SORCS1: variants seen among roughly 807,000 people sequenced by gnomAD.
SORCS1 encodes VPS10 domain-containing receptor SorCS1.
Under a neutral mutation model 146.1 loss-of-function variants are expected in SORCS1, and 60 were observed. That is an observed-to-expected ratio of 0.41 (90% CI 0.33 to 0.51). The LOEUF (loss-of-function observed/expected upper bound fraction) is 0.51. SORCS1 is among the 20% of genes least tolerant of loss of function. SORCS1 has a pLI of 0.21. For missense variants in SORCS1, 1,352 were observed against 1,487.6 expected (o/e 0.91, Z 1.50); for synonymous variants, 637 against 584.0 (o/e 1.09, Z -1.31).
intron 5 of SORCS1, among the ~76,000 whole-genome samples, chr10:106,744,398 C>T (rs1857572275): frequency 6.6e-6 from 1 of 152,174 alleles, no homozygotes. Flanking sequence ...AGCCACCGTG[C>T]CCGGCCATCA....
rs1852292814 is a variant in SORCS1 at position 106,679,643 on chromosome 10, A to G, written c.1652T>C (p.Ile551Thr). ...GGTAAGCTTCTTACCTGATGCCACTATGATGCTTGGAGCTGTGTCTTTGCT... is the reference window on the plus strand; with the variant it reads ...GGTAAGCTTCTTACCTGATGCCACTGTGATGCTTGGAGCTGTGTCTTTGCT... ...IASKDTAPSI[I>T]VASGNIGSEL... The change falls in exon 11 of 26, where the codon ATA (isoleucine) becomes ACA (threonine). Residue 551 changes from isoleucine (I) to threonine (T), a missense_variant. This residue lies in a region of SORCS1 where 648 missense variants were observed against 793.8 expected (regional missense o/e 0.82). Coordinates refer to ENST00000263054, the MANE Select transcript of SORCS1 (RefSeq NM_052918.5). 1.2e-6 allele frequency: 2 copies of G among 1,611,562 alleles called. No individual in the cohort carries two copies. Among genetic ancestry groups the G allele is most frequent in the Non-Finnish European group, 1.7e-6 (2 of 1,178,726 alleles).
At chr10:106,726,185 C>CTCTTTTTTTTTTTTTTTTT (rs1435746962) in intron 6 of SORCS1, among the ~76,000 whole-genome samples, 1 of 66,300 alleles carries the variant, frequency 1.5e-5, no homozygotes, top group African/African-American at 6.4e-5. Flanking sequence ...CTTTCCCTCT[C>CTCTTTTTTTTTTTTTTTTT]TTTTTTTTTT....
chr10:106,994,019 C>T (rs965361595), intron 1 of SORCS1, among the ~76,000 whole-genome samples: 3 of 141,978 alleles, frequency 2.1e-5, no homozygotes, highest in African/African-American at 8.3e-5. Flanking sequence ...CAAGGTTGTG[C>T]CACTGCAGCA....
intron 1 of SORCS1, among the ~76,000 whole-genome samples, chr10:107,037,270 C>G (rs1958943872): frequency 6.6e-6 from 1 of 151,892 alleles, no homozygotes; most frequent in Admixed American, 6.6e-5. Flanking sequence ...AATTAGGAAC[C>G]AAATATATGA....
intron 6 of SORCS1, among the ~76,000 whole-genome samples, chr10:106,712,119 C>T (rs1262084277): frequency 6.6e-6 from 1 of 152,134 alleles, no homozygotes; most frequent in Non-Finnish European, 1.5e-5. Context: ...ATGAGTATTG[C>T]TAAGGAAGAA....
chr10:107,133,072 T>G (rs989524391), intron 1 of SORCS1, among the ~76,000 whole-genome samples: 4 of 152,202 alleles, frequency 2.6e-5, no homozygotes, highest in African/African-American at 9.7e-5. Flanking sequence ...ACAAATTTAT[T>G]ACATTCATAT....
At position 106,877,804 on chromosome 10, in the gene SORCS1, G is replaced by C. The variant is rs1420759521; in HGVS notation, c.627-48131C>G. 2.6e-5 allele frequency among the ~76,000 whole-genome samples: 4 copies of C among 152,248 alleles called. No individual in the cohort carries two copies. The South Asian group carries it at 8.3e-4, about 32-fold the overall frequency. On this transcript the variant is annotated intron_variant, in intron 2 of 25. Transcript: ENST00000263054. ...TTCTGGTTCTGTGGTGCAGAGAAGA[G>C]AGGCAATGGGAGGAGACATGCCACA...
At chr10:106,932,422 CTTAAG>C (rs1953467500) in intron 2 of SORCS1, among the ~76,000 whole-genome samples, 1 of 152,080 alleles carries the variant, frequency 6.6e-6, no homozygotes, top group South Asian at 2.1e-4. Flanking sequence ...TTACTGGAAT[CTTAAG>C]TTGTTATTTA....
At chr10:106,946,711 A>C (rs1954363810) in intron 2 of SORCS1, among the ~76,000 whole-genome samples, 1 of 152,246 alleles carries the variant, frequency 6.6e-6, no homozygotes, top group African/African-American at 2.4e-5. Context: ...AAACATCACA[A>C]TAACTTATGC....
chr10:106,869,003 G>A (rs536813267), intron 2 of SORCS1, among the ~76,000 whole-genome samples: 4 of 151,980 alleles, frequency 2.6e-5, no homozygotes, highest in African/African-American at 9.6e-5. Context: ...AAATGATGAG[G>A]GAGGTGCTAC....
intron 23 of SORCS1, among the ~76,000 whole-genome samples, chr10:106,602,512 A>AACACAC (rs66699179): frequency 0.024 from 3,302 of 138,796 alleles, 74 homozygotes; most frequent in African/African-American, 0.057. Flanking sequence ...ATTCCTTCAT[A>AACACAC]ACACACACAC....
At chr10:107,022,314 G>A (rs115401299) in intron 1 of SORCS1, among the ~76,000 whole-genome samples, 23 of 152,204 alleles carry the variant, frequency 1.5e-4, no homozygotes, top group African/African-American at 5.3e-4. Context: ...ACACTGGTCC[G>A]GAGTCCAGAC....
chr10:106,583,912 G>A (rs1035817937), intron 24 of SORCS1, among the ~76,000 whole-genome samples: 1 of 152,158 alleles, frequency 6.6e-6, no homozygotes, highest in African/African-American at 2.4e-5. Context: ...TCTTATTGTT[G>A]TCCAGTGTTC....
intron 5 of SORCS1, among the ~76,000 whole-genome samples, chr10:106,734,973 C>T (rs1267511021): frequency 6.6e-5 from 10 of 151,872 alleles, no homozygotes; most frequent in African/African-American, 2.2e-4. Context: ...TGGCAAAACC[C>T]CGTCTCTACT....
At chr10:107,004,897 A>T (rs1227815073) in intron 1 of SORCS1, among the ~76,000 whole-genome samples, 2 of 152,130 alleles carry the variant, frequency 1.3e-5, no homozygotes, top group Non-Finnish European at 2.9e-5. Flanking sequence ...GTGACAGTGA[A>T]TTTCTAAAGA....
intron 2 of SORCS1, among the ~76,000 whole-genome samples, chr10:106,836,797 T>A (rs777548703): frequency 3.9e-5 from 6 of 152,074 alleles, no homozygotes. Flanking sequence ...AGAAGGTATA[T>A]CCTTTATCTG....
rs180726613 is a variant in SORCS1, at chr10:106,601,599, T to G, written c.3166-4149A>C. Reference sequence around the variant, plus strand: ...TGTCTTCTTCACACAAGAGGAAGATTGAATGCAGCACTCAGAATCAACTAG... The same window carrying G: ...TGTCTTCTTCACACAAGAGGAAGATGGAATGCAGCACTCAGAATCAACTAG... On this transcript the variant is annotated intron_variant, in intron 23 of 25. Coordinates refer to ENST00000263054, the MANE Select transcript of SORCS1 (RefSeq NM_052918.5). 1.3e-4 allele frequency among the ~76,000 whole-genome samples: 20 copies of G among 152,276 alleles called. No individual in the cohort carries two copies. The East Asian group carries it at 1.9e-3, about 15-fold the overall frequency.
At chr10:106,970,697 C>A (rs1239283572) in intron 1 of SORCS1, among the ~76,000 whole-genome samples, 1 of 151,778 alleles carries the variant, frequency 6.6e-6, no homozygotes, top group Non-Finnish European at 1.5e-5. Flanking sequence ...CTGATCTGGG[C>A]TACATCAACC....
upstream of SORCS1, among the ~76,000 whole-genome samples, chr10:107,167,971 G>A (rs1199948544): frequency 1.3e-5 from 2 of 152,020 alleles, no homozygotes; most frequent in Non-Finnish European, 2.9e-5. Flanking sequence ...CTTTCAAAAG[G>A]ATAAAAAATA....
Sources: allele counts gnomAD v4.1 joint callset (sites outside exome capture counted in the v4.1 genomes callset), GRCh38; gene constraint gnomAD v4.1.1; regional missense constraint gnomAD v4.1.1; transcripts MANE v1.5; gene names NCBI Gene and HGNC (gene_info 2026-07-23, HGNC 2026-07-21).